Variants in SYT7 observed in about 807,000 individuals in gnomAD.
SYT7 encodes the protein synaptotagmin 7.
SYT7 carries 29 observed loss-of-function variants against 75.1 expected under a neutral mutation model. The observed-to-expected ratio is 0.39, with a 90% CI of 0.29 to 0.53. SYT7 has a LOEUF of 0.53. SYT7 is among the 20% of genes least tolerant of loss of function. The pLI, the probability that SYT7 is intolerant of heterozygous loss-of-function variation, is 0.77. For missense variants in SYT7, 693 were observed against 953.2 expected (o/e 0.73, Z 3.59); for synonymous variants, 376 against 401.7 (o/e 0.94, Z 0.76).
At chr11:61,548,040 CCTTAACCTAAGACTGGGGGATCT>C (rs1164489432) in intron 3 of SYT7, among the ~76,000 whole-genome samples, 2 of 152,358 alleles carry the variant, frequency 1.3e-5, no homozygotes, top group African/African-American at 4.8e-5. Flanking sequence ...TGGGCTGCAG[CCTTAACCTAAGACTGGGGGATCT>C]CAGCTGAGCT....
At chr11:61,571,739 G>A (rs573524657) in intron 1 of SYT7, among the ~76,000 whole-genome samples, 1 of 152,318 alleles carries the variant, frequency 6.6e-6, no homozygotes, top group Non-Finnish European at 1.5e-5. Flanking sequence ...GCATCAACTG[G>A]AGGCTCCAGG....
At chr11:61,581,106 C>A, upstream of SYT7, 1 of 234,228 alleles carries the variant, frequency 4.3e-6, no homozygotes, top group South Asian at 1.4e-4. Flanking sequence ...TGTACGAGGC[C>A]GTGTGTATGT....
At chr11:61,582,222 A>G (rs1051374701), upstream of SYT7, among the ~76,000 whole-genome samples, 2 of 152,150 alleles carry the variant, frequency 1.3e-5, no homozygotes, top group African/African-American at 2.4e-5. Context: ...CTGATGGGTC[A>G]GGTAAGAGGG....
chr11:61,572,649 G>A (rs976205592), intron 1 of SYT7, among the ~76,000 whole-genome samples: 3 of 152,152 alleles, frequency 2.0e-5, no homozygotes, highest in African/African-American at 7.2e-5. Flanking sequence ...GAAAGAACAA[G>A]GTGGTCTGTG....
rs1310332422 is a variant in SYT7, at chr11:61,542,227, C to T, written c.925G>A (p.Asp309Asn). 1.3e-6 allele frequency: 2 copies of T among 1,534,676 alleles called. No homozygotes were observed. Among genetic ancestry groups the T allele is most frequent in the South Asian group, 1.2e-5 (1 of 84,026 alleles). The change falls in exon 6 of 13, where the codon GAC becomes AAC. Residue 309 changes from aspartate (D) to asparagine (N), a missense_variant. Coordinates refer to ENST00000539008, the MANE Select transcript of SYT7 (RefSeq NM_001365809.2). This position sits in a 1 kb window ranked among gnomAD's most constrained non-coding sequence, Gnocchi z 7.8. ...VVGQIRNRGL[D>N]MKSFLEGRMV... ...AGGACTTACAGGAAGGATTTCATGT[C>T]CAAGCCTCGGTTTCGAATCTGCCCC...
At chr11:61,566,136 C>T (rs1186362616) in intron 1 of SYT7, among the ~76,000 whole-genome samples, 2 of 152,232 alleles carry the variant, frequency 1.3e-5, no homozygotes, top group African/African-American at 2.4e-5. Context: ...CTCTTCCAGT[C>T]GAGACATGGC....
Position 61,551,492 on chromosome 11 carries a change from G to A in SYT7, c.136-29C>T. 2 of 1,609,306 alleles carry A rather than the reference G, an allele frequency of 1.2e-6. No homozygotes were observed. Among genetic ancestry groups the A allele is most frequent in the Non-Finnish European group, 1.7e-6 (2 of 1,176,622 alleles). On this transcript the variant is annotated intron_variant, in intron 2 of 12. Coordinates refer to ENST00000539008, the MANE Select transcript of SYT7 (RefSeq NM_001365809.2). The surrounding 1 kb of genome is among the most constrained non-coding windows in gnomAD (Gnocchi z 5.3). ...TGGAGATAGCACTAGGATCACTCCT[G>A]GGGAACAGGACTGTACCCTCCCTAC...
chr11:61,555,699 G>A (rs2063482089), intron 2 of SYT7, among the ~76,000 whole-genome samples: 1 of 152,162 alleles, frequency 6.6e-6, no homozygotes, highest in Non-Finnish European at 1.5e-5. Flanking sequence ...GGGAGGGGGC[G>A]CGGTGCTTAG....
At position 61,556,210 on chromosome 11, in the gene SYT7, G is replaced by A; in HGVS notation, c.32-3C>T. The A allele has an allele frequency of 6.2e-7, 1 of 1,611,216 alleles. No homozygotes were observed. The highest frequency in any genetic ancestry group is 1.1e-5 in the South Asian group (1 of 90,468). ...CAGGACGTCGCGCGAGGGCGCCCCT[G>A]GGGAGGACAGGTACAGGTCACACCC... On this transcript the variant is annotated splice_region_variant and splice_polypyrimidine_tract_variant and intron_variant, in intron 1 of 12. Coordinates refer to ENST00000539008, the MANE Select transcript of SYT7 (RefSeq NM_001365809.2).
In SYT7 at chr11:61,551,406, G is replaced by A. The variant is rs771842368; in HGVS notation, c.193C>T (p.Arg65Cys). ...TACTTGATAGCCTTCTTCTCACTGC[G>A]CCCACGCCCTGAGTCTGGCGTGCCC... ...TVGTPDSGRG[R>C]SEKKAINDLD... is the part of the protein sequence containing the mutation. Residue 65 changes from arginine (R) to cysteine (C), a missense_variant, in exon 3 of 13, where the codon CGC (arginine) becomes TGC (cysteine). Arg to Cys is a radical substitution (Grantham distance 180). Coordinates refer to ENST00000539008, the MANE Select transcript of SYT7 (RefSeq NM_001365809.2). This position sits in a 1 kb window ranked among gnomAD's most constrained non-coding sequence, Gnocchi z 5.3. 24 of 1,613,702 alleles carry A rather than the reference G, an allele frequency of 1.5e-5. No individual in the cohort carries two copies. Among genetic ancestry groups the A allele is most frequent in the Admixed American group, 3.3e-5 (2 of 59,988 alleles).
intron 1 of SYT7, among the ~76,000 whole-genome samples, chr11:61,557,282 A>T (rs2135354718): frequency 6.6e-6 from 1 of 152,308 alleles, no homozygotes; most frequent in South Asian, 2.1e-4. Context: ...AGCCAAGGAG[A>T]TGCTGTTTAT....
chr11:61,539,694 CAG>C (rs958083330), intron 6 of SYT7: 5 of 152,164 alleles, frequency 3.3e-5, no homozygotes, highest in Admixed American at 1.3e-4. Flanking sequence ...AGTTGTCAAA[CAG>C]GGAACAAACA....
At position 61,546,219 on chromosome 11, in the gene SYT7, C is replaced by T. The variant is rs995016991; in HGVS notation, c.384G>A (p.Ala128=). 1.6e-5 allele frequency: 23 copies of T among 1,469,024 alleles called. No individual in the cohort carries two copies. Among genetic ancestry groups the T allele is most frequent in the Non-Finnish European group, 1.6e-5 (18 of 1,120,836 alleles). 91.0% of individuals were successfully genotyped at this position (1,469,024 alleles called of 1,614,324 possible). A position where few individuals can be genotyped will look rare whatever the true frequency, so the allele number is the denominator to read the frequency against. ...TLLSGAKVAA[A]AGLAVEREGR... Reference sequence around the variant, plus strand: ...CTTCCCGCTCCACCGCCAGCCCCGCCGCGGCGGCCACTTTGGCGCCCGACA... The same window carrying T: ...CTTCCCGCTCCACCGCCAGCCCCGCTGCGGCGGCCACTTTGGCGCCCGACA... The change falls in exon 5 of 13, where the codon GCG becomes GCA. Residue 128 remains alanine (A), a synonymous_variant. Coordinates refer to ENST00000539008, the MANE Select transcript of SYT7 (RefSeq NM_001365809.2). This position sits in a 1 kb window ranked among gnomAD's most constrained non-coding sequence, Gnocchi z 7.6.
At chr11:61,528,821 T>C (rs2062611797) in intron 8 of SYT7, among the ~76,000 whole-genome samples, 2 of 152,074 alleles carry the variant, frequency 1.3e-5, no homozygotes, top group Non-Finnish European at 2.9e-5. Context: ...AGTTTGACGA[T>C]GGGGCTGGTG....
At chr11:61,525,610 C>T (rs1057163168) in intron 9 of SYT7, 7 of 152,020 alleles carry the variant, frequency 4.6e-5, no homozygotes, top group Admixed American at 1.3e-4. Context: ...ATAACACACG[C>T]GGTAATAGAT....
Position 61,570,359 on chromosome 11 carries a change from G to A in SYT7, c.31+10431C>T, listed in dbSNP as rs149006968. ...CTGGAAGGGAACCAAAGGAACTCAC[G>A]TTTGTGGAGCACAGGGTGAGAGGGT... On this transcript the variant is annotated intron_variant, in intron 1 of 12. Coordinates refer to ENST00000539008, the MANE Select transcript of SYT7 (RefSeq NM_001365809.2). Among the ~76,000 whole-genome samples the A allele has an allele frequency of 3.6e-3, 541 of 152,292 alleles. 3 individuals carry two copies. The highest frequency in any genetic ancestry group is 0.012 in the African/African-American group (503 of 41,550).
At position 61,524,263 on chromosome 11, in the gene SYT7, C is replaced by T; in HGVS notation, c.1641+100G>A. The T allele has an allele frequency of 2.1e-6, 3 of 1,441,364 alleles. No homozygotes were observed. The highest frequency in any genetic ancestry group is 2.8e-6 in the Non-Finnish European group (3 of 1,063,060). The allele number at this position is 1,441,364 out of a possible 1,614,324, so 89.3% of individuals were successfully genotyped here. ...GTCCACCCATCTGCACCCTCTCCCA[C>T]AGCCCTCCTGGCCTTCCTAAGGTTG... On this transcript the variant is annotated intron_variant, in intron 10 of 12. Coordinates refer to ENST00000539008, the MANE Select transcript of SYT7 (RefSeq NM_001365809.2). This position sits in a 1 kb window ranked among gnomAD's most constrained non-coding sequence, Gnocchi z 4.1.
intron 2 of SYT7, among the ~76,000 whole-genome samples, chr11:61,552,857 T>G (rs1277028956): frequency 1.3e-5 from 2 of 152,196 alleles, no homozygotes; most frequent in Non-Finnish European, 2.9e-5. Context: ...TATGAACCCC[T>G]AGAAGGAAGA....
Position 61,547,228 on chromosome 11 carries a change from A to G in SYT7, c.296T>C (p.Ile99Thr). The G allele has an allele frequency of 6.5e-7, 1 of 1,535,782 alleles. No individual in the cohort carries two copies. The highest frequency in any genetic ancestry group is 8.7e-7 in the Non-Finnish European group (1 of 1,146,682). ...KWSSYPPKEF[I>T]LNISPYAPYG... ...AGGGGCGTAGGGTGAAATGTTTAGA[A>G]TAAACTCCTTGGGAGGGTAGGAGCT... Residue 99 changes from isoleucine to threonine, a missense_variant, in exon 4 of 13, where the codon ATT becomes ACT. Ile to Thr is a moderately conservative substitution (Grantham distance 89). This residue lies in a region of SYT7 where 487 missense variants were observed against 593.2 expected (regional missense o/e 0.82). Coordinates refer to ENST00000539008, the MANE Select transcript of SYT7 (RefSeq NM_001365809.2).
Sources: allele counts gnomAD v4.1 joint callset (sites outside exome capture counted in the v4.1 genomes callset), GRCh38; gene constraint gnomAD v4.1.1; regional missense constraint gnomAD v4.1.1; non-coding constraint Gnocchi (gnomAD v3.1); transcripts MANE v1.5; gene names NCBI Gene and HGNC (gene_info 2026-07-23, HGNC 2026-07-21).